The following SPATA17 variants were observed in gnomAD, a reference collection of about 807,000 sequenced individuals.
SPATA17 encodes the protein spermatogenesis associated 17.
SPATA17 carries 53 observed loss-of-function variants against 62.2 expected under a neutral mutation model. The ratio of observed to expected loss-of-function variants is 0.85; its 90% CI spans 0.68 to 1.07. SPATA17 has a LOEUF of 1.07. Among genes scored for constraint, SPATA17 ranks in the 50% least tolerant of loss-of-function variants. The pLI is 0.00. For missense variants in SPATA17, 466 were observed against 425.5 expected (o/e 1.10, Z -0.84); for synonymous variants, 146 against 146.8 (o/e 0.99, Z 0.04).
At chr1:217,667,686 A>T (rs192663655) in intron 3 of SPATA17, among the ~76,000 whole-genome samples, 1 of 152,350 alleles carries the variant, frequency 6.6e-6, no homozygotes, top group African/African-American at 2.4e-5. Flanking sequence ...TCTTTTTCTG[A>T]ACCCAAACTC....
intron 9 of SPATA17, among the ~76,000 whole-genome samples, chr1:217,818,878 T>C (rs1306712790): frequency 1.7e-5 from 2 of 118,730 alleles, no homozygotes; most frequent in African/African-American, 6.3e-5. Flanking sequence ...CTTATTTCAT[T>C]TTCCTTTTTT....
intron 9 of SPATA17, among the ~76,000 whole-genome samples, chr1:217,828,634 A>G (rs922734175): frequency 2.6e-5 from 4 of 151,948 alleles, no homozygotes; most frequent in African/African-American, 9.7e-5. Flanking sequence ...TGCACAGCAA[A>G]GGAAACAATC....
intron 9 of SPATA17, among the ~76,000 whole-genome samples, chr1:217,843,360 T>C (rs2103007915): frequency 6.6e-6 from 1 of 152,156 alleles, no homozygotes; most frequent in African/African-American, 2.4e-5. Context: ...CTCATGCCTG[T>C]AATCTCAGCA....
At chr1:217,667,909 T>A (rs945317767) in intron 3 of SPATA17, among the ~76,000 whole-genome samples, 1 of 152,260 alleles carries the variant, frequency 6.6e-6, no homozygotes, top group Non-Finnish European at 1.5e-5. Flanking sequence ...TGCAGCCAAC[T>A]GTTTCTTAAT....
Position 217,669,053 on chromosome 1 carries a change from G to T in SPATA17, c.261G>T (p.Met87Ile). 1 of 1,611,368 alleles carries T rather than the reference G, an allele frequency of 6.2e-7. No individual in the cohort carries two copies. The highest frequency in any genetic ancestry group is 8.5e-7 in the Non-Finnish European group (1 of 1,179,092). Residue 87 changes from methionine (M) to isoleucine (I), a missense_variant, in exon 4 of 11, where the codon ATG (methionine) becomes ATT (isoleucine). Met to Ile is a conservative substitution (Grantham distance 10). Coordinates refer to ENST00000366933, the MANE Select transcript of SPATA17 (RefSeq NM_138796.4). ...CACAGGTAGCATATTATACTATGAT[G>T]ATGAATCTCTACAATGCAATGGCTG... is the stretch of plus-strand genomic sequence containing the variant. ...LTVQVAYYTM[M>I]MNLYNAMAVR...
intron 9 of SPATA17, among the ~76,000 whole-genome samples, chr1:217,825,649 A>T (rs989382630): frequency 5.9e-5 from 9 of 152,006 alleles, no homozygotes; most frequent in African/African-American, 1.9e-4. Context: ...ATGAAAGAAA[A>T]GTATTATTGG....
intron 6 of SPATA17, among the ~76,000 whole-genome samples, chr1:217,772,878 T>G (rs2102971019): frequency 6.6e-6 from 1 of 152,278 alleles, no homozygotes; most frequent in Non-Finnish European, 1.5e-5. Flanking sequence ...GTTATCCCCA[T>G]AGTAAGGAAG....
intron 6 of SPATA17, among the ~76,000 whole-genome samples, chr1:217,771,871 G>C (rs1345450677): frequency 6.6e-6 from 1 of 152,016 alleles, no homozygotes; most frequent in Non-Finnish European, 1.5e-5. Flanking sequence ...ATTTCTAATG[G>C]AGTAAAGTTA....
chr1:217,775,696 T>G (rs537567211), intron 7 of SPATA17, among the ~76,000 whole-genome samples: 3,678 of 152,000 alleles, frequency 0.024, 79 homozygotes, highest in Non-Finnish European at 0.036. Context: ...TCTATATATA[T>G]ATATATAGAG....
At chr1:217,802,287 C>T (rs1185318263) in intron 9 of SPATA17, among the ~76,000 whole-genome samples, 2 of 152,108 alleles carry the variant, frequency 1.3e-5, no homozygotes, top group Admixed American at 1.3e-4. Flanking sequence ...AAATGTATAA[C>T]ATACATTTAA....
chr1:217,770,088 C>G (rs80159760), intron 6 of SPATA17, among the ~76,000 whole-genome samples: 1 of 152,164 alleles, frequency 6.6e-6, no homozygotes, highest in Admixed American at 6.5e-5. Flanking sequence ...TCTTTGGCCA[C>G]TTGTACTTTA....
chr1:217,720,199 G>C (rs573181391), intron 5 of SPATA17, among the ~76,000 whole-genome samples: 1 of 152,216 alleles, frequency 6.6e-6, no homozygotes, highest in East Asian at 1.9e-4. Context: ...TACAGATCCA[G>C]GTCCAGTTTT....
intron 2 of SPATA17, among the ~76,000 whole-genome samples, chr1:217,650,027 C>T (rs1172819449): frequency 3.3e-5 from 5 of 151,570 alleles, no homozygotes; most frequent in Non-Finnish European, 7.4e-5. Context: ...GCAACCTCCG[C>T]CTCCCAGATT....
intron 9 of SPATA17, among the ~76,000 whole-genome samples, chr1:217,854,460 C>G (rs890490369): frequency 6.6e-6 from 1 of 152,086 alleles, no homozygotes; most frequent in Non-Finnish European, 1.5e-5. Context: ...AATAGGGTCA[C>G]TCTGAGAAGT....
chr1:217,809,172 A>G (rs547772076), intron 9 of SPATA17, among the ~76,000 whole-genome samples: 37 of 152,316 alleles, frequency 2.4e-4, no homozygotes, highest in African/African-American at 7.2e-4. Context: ...CATGCTGGAA[A>G]GTAAATTGGA....
chr1:217,638,122 T>G (rs1669979657), intron 1 of SPATA17, among the ~76,000 whole-genome samples: 1 of 151,966 alleles, frequency 6.6e-6, no homozygotes, highest in Non-Finnish European at 1.5e-5. Context: ...ATTGAAAAAT[T>G]TTTTGGCTAT....
chr1:217,779,999 C>G (rs1006434745), intron 7 of SPATA17, among the ~76,000 whole-genome samples: 10 of 151,946 alleles, frequency 6.6e-5, no homozygotes, highest in African/African-American at 1.7e-4. Context: ...CCAGAAATAC[C>G]TGTAGTGTCA....
intron 4 of SPATA17, among the ~76,000 whole-genome samples, chr1:217,680,553 A>G (rs973110579): frequency 4.6e-5 from 7 of 152,172 alleles, no homozygotes; most frequent in African/African-American, 1.7e-4. Flanking sequence ...GGCAAATAAG[A>G]TCACTTGAGA....
intron 5 of SPATA17, among the ~76,000 whole-genome samples, chr1:217,723,472 TG>T (rs1672186739): frequency 6.6e-6 from 1 of 152,228 alleles, no homozygotes; most frequent in Non-Finnish European, 1.5e-5. Context: ...ATCTTTCTTT[TG>T]TATACTTCCG....
Sources: gnomAD v4.1 joint callset for allele counts (sites outside exome capture counted in the v4.1 genomes callset) on GRCh38, gnomAD v4.1.1 for gene constraint, MANE v1.5 for transcripts, NCBI Gene and HGNC (gene_info 2026-07-23, HGNC 2026-07-21) for gene names.